PJA2: variants seen among roughly 807,000 people sequenced by gnomAD.
PJA2 encodes praja ring finger ubiquitin ligase 2, also known as E3 ubiquitin-protein ligase Praja-2.
Under a neutral mutation model 69.3 loss-of-function variants are expected in PJA2, and 25 were observed. That is an observed-to-expected ratio of 0.36 (90% CI 0.26 to 0.50). The LOEUF is 0.50. Ranked by LOEUF, PJA2 falls within the 20% of genes least tolerant of loss-of-function variation. The pLI is 0.96. For missense variants in PJA2, 809 were observed against 830.2 expected, an observed-to-expected ratio of 0.97 and a Z score of 0.31; for synonymous variants, 308 against 277.8, an observed-to-expected ratio of 1.11 and a Z score of -1.08.
intron 5 of PJA2, among the ~76,000 whole-genome samples, chr5:109,364,548 G>A (rs942059459): frequency 1.5e-4 from 23 of 148,490 alleles, no homozygotes; most frequent in African/African-American, 4.5e-4. Context: ...GCGTGAACCC[G>A]GGAGGCGGAG....
rs901793477 is a variant in PJA2 at position 109,409,947 on chromosome 5, T to TGGCGGCTGTGGCGGCGGC, written c.-211_-194dup. ...CCTCCCCCGCCGAACGCGAAGCGGC[T>TGGCGGCTGTGGCGGCGGC]GGCGGCTGTGGCGGCGGCGGCGGCG... On this transcript the variant is annotated 5_prime_UTR_variant, in exon 1 of 10. Coordinates refer to ENST00000361189, the MANE Select transcript of PJA2 (RefSeq NM_014819.5). 1 of 210,248 alleles carries TGGCGGCTGTGGCGGCGGC rather than the reference T, an allele frequency of 4.8e-6. No individual in the cohort carries two copies. The highest frequency in any genetic ancestry group is 6.2e-5 in the Admixed American group (1 of 16,038). The allele number at this position is 210,248 out of a possible 1,614,324, so 13.0% of individuals were successfully genotyped here.
intron 1 of PJA2, among the ~76,000 whole-genome samples, chr5:109,393,669 A>C (rs1747333585): frequency 6.6e-6 from 1 of 151,464 alleles, no homozygotes; most frequent in Non-Finnish European, 1.5e-5. Context: ...ATGTTCATAG[A>C]AGCAATGTCC....
At chr5:109,372,920 AAAAAAAGAAAGAAAG>A (rs1242742234) in intron 4 of PJA2, among the ~76,000 whole-genome samples, 3 of 142,098 alleles carry the variant, frequency 2.1e-5, no homozygotes, top group Non-Finnish European at 4.6e-5. Context: ...AAAAAAAAAA[AAAAAAAGAAAGAAAG>A]AAAAAAAAAT....
chr5:109,397,791 T>C (rs1295022693), intron 1 of PJA2, among the ~76,000 whole-genome samples: 2 of 152,168 alleles, frequency 1.3e-5, no homozygotes, highest in Non-Finnish European at 2.9e-5. Context: ...CTCAAAATGC[T>C]GGGATTACAG....
At chr5:109,353,521 T>TA (rs1291291441) in intron 7 of PJA2, among the ~76,000 whole-genome samples, 4 of 132,090 alleles carry the variant, frequency 3.0e-5, no homozygotes, top group South Asian at 4.5e-4. Flanking sequence ...TATCTATATA[T>TA]TAGATATCTA....
chr5:109,394,075 T>C (rs1312356211), intron 1 of PJA2, among the ~76,000 whole-genome samples: 1 of 121,386 alleles, frequency 8.2e-6, no homozygotes, highest in East Asian at 2.2e-4. Context: ...GGAGACAGAG[T>C]CTTACTCTGT....
At chr5:109,371,541 C>T (rs1762674875) in intron 4 of PJA2, among the ~76,000 whole-genome samples, 1 of 152,140 alleles carries the variant, frequency 6.6e-6, no homozygotes, top group Admixed American at 6.5e-5. Context: ...ATGTAAAACC[C>T]TAGTTCAAAT....
At chr5:109,362,072 C>T (rs1762514843) in intron 6 of PJA2, among the ~76,000 whole-genome samples, 1 of 152,128 alleles carries the variant, frequency 6.6e-6, no homozygotes, top group African/African-American at 2.4e-5. Context: ...GGAAAAACAA[C>T]ACAAATTCTT....
chr5:109,362,044 T>C, intron 6 of PJA2, among the ~76,000 whole-genome samples: 1 of 152,218 alleles, frequency 6.6e-6, no homozygotes, highest in East Asian at 1.9e-4. Context: ...CTGAATTTTC[T>C]GTAAAGGAAT....
chr5:109,372,749 T>C (rs1264610378), intron 4 of PJA2, among the ~76,000 whole-genome samples: 1 of 151,006 alleles, frequency 6.6e-6, no homozygotes, highest in African/African-American at 2.4e-5. Flanking sequence ...CTACTAAAAA[T>C]ACAAAATTAG....
intron 4 of PJA2, among the ~76,000 whole-genome samples, chr5:109,369,627 C>CT (rs1223642830): frequency 6.6e-6 from 1 of 152,162 alleles, no homozygotes; most frequent in African/African-American, 2.4e-5. Context: ...AGTTAACTGT[C>CT]TTTTTCCTTC....
At chr5:109,368,076 T>C (rs1762615411) in intron 5 of PJA2, among the ~76,000 whole-genome samples, 1 of 152,202 alleles carries the variant, frequency 6.6e-6, no homozygotes, top group Admixed American at 6.5e-5. Context: ...ACCCTTACAG[T>C]ACTAGAGCTT....
chr5:109,401,835 C>A (rs1017085528), intron 1 of PJA2, among the ~76,000 whole-genome samples: 2 of 152,078 alleles, frequency 1.3e-5, no homozygotes, highest in African/African-American at 2.4e-5. Flanking sequence ...ACTTTAAATT[C>A]AAATTTAAAT....
intron 7 of PJA2, among the ~76,000 whole-genome samples, chr5:109,352,766 G>C (rs1225167478): frequency 6.6e-6 from 1 of 151,508 alleles, no homozygotes. Flanking sequence ...CAGATGGACA[G>C]ATATCTAATA....
intron 9 of PJA2, among the ~76,000 whole-genome samples, chr5:109,341,740 C>T (rs1437259136): frequency 4.4e-5 from 2 of 45,074 alleles, no homozygotes; most frequent in Admixed American, 2.0e-4. Flanking sequence ...TGAGGAGCCC[C>T]TCTGCCCGGC....
chr5:109,337,682 T>G (rs575735412), intron 9 of PJA2, among the ~76,000 whole-genome samples: 1 of 152,266 alleles, frequency 6.6e-6, no homozygotes, highest in African/African-American at 2.4e-5. Context: ...CAAAGAATCA[T>G]GGCACATGTC....
chr5:109,393,660 T>A (rs1262137433), intron 1 of PJA2, among the ~76,000 whole-genome samples: 1 of 150,984 alleles, frequency 6.6e-6, no homozygotes, highest in Non-Finnish European at 1.5e-5. Flanking sequence ...TTAAAAAAAA[T>A]GTTCATAGAA....
At chr5:109,381,892 T>C (rs575961921) in intron 2 of PJA2, among the ~76,000 whole-genome samples, 189 bp from the exon 3 acceptor site, 1 of 152,308 alleles carries the variant, frequency 6.6e-6, no homozygotes, top group African/African-American at 2.4e-5. Flanking sequence ...TGAAGTACTA[T>C]ATAATAAGAG....
chr5:109,340,639 TCCCCCTCCCCCTCCCCCTCCCC>T (rs1561338630), intron 9 of PJA2, among the ~76,000 whole-genome samples: 2 of 318 alleles, frequency 6.3e-3, no homozygotes, highest in African/African-American at 0.015. Flanking sequence ...CCCCTCCCCC[TCCCCCTCCCCCTCCCCCTCCCC>T]CTCCCCCTCC....
Sources: allele counts gnomAD v4.1 joint callset (sites outside exome capture counted in the v4.1 genomes callset), GRCh38; gene constraint gnomAD v4.1.1; transcripts MANE v1.5; gene names NCBI Gene and HGNC (gene_info 2026-07-23, HGNC 2026-07-21).